Variants in ZIC1 observed in about 807,000 individuals in gnomAD.
ZIC1 encodes the protein Zic family zinc finger 1, also known as zinc finger protein ZIC 1.
ZIC1 carries 4 observed loss-of-function variants against 30.9 expected under a neutral mutation model. That is an observed-to-expected ratio of 0.13 (90% CI 0.06 to 0.30). ZIC1 has a LOEUF of 0.30. Ranked by LOEUF, ZIC1 falls within the 10% of genes least tolerant of loss-of-function variation. The pLI, the probability that ZIC1 is intolerant of heterozygous loss-of-function variation, is 1.00. For missense variants in ZIC1, 441 were observed against 639.3 expected, an observed-to-expected ratio of 0.69 and a Z score of 3.34; for synonymous variants, 305 against 277.5, an observed-to-expected ratio of 1.10 and a Z score of -0.98.
chr3:147,410,073 G>T lies in ZIC1; in HGVS notation c.-40G>T, dbSNP rs749439630. On this transcript the variant is annotated 5_prime_UTR_variant, in exon 1 of 3. Coordinates refer to ENST00000282928, the MANE Select transcript of ZIC1 (RefSeq NM_003412.4). ...TTCCCTCCTCGGCTGGCGAGGGTGG[G>T]GGGGGCGGGGGAGGCCGGGGCTCGC... The T allele has an allele frequency of 4.9e-6, 7 of 1,431,880 alleles. No individual in the cohort carries two copies. The highest frequency in any genetic ancestry group is 3.0e-5 in the African/African-American group (2 of 67,200). The allele number at this position is 1,431,880 out of a possible 1,614,324, so 88.7% of individuals were successfully genotyped here. A position where few individuals can be genotyped will look rare whatever the true frequency, so the allele number is the denominator to read the frequency against.
rs1339602858 is a variant in ZIC1, at chr3:147,410,502, C to T, written c.390C>T (p.Gly130=). Reference sequence around the variant, plus strand: ...CTGCATCGGCCGGGGGCTTCGGGGGCCCACACGGCCACACGGACGCCGCGG... The same window carrying T: ...CTGCATCGGCCGGGGGCTTCGGGGGTCCACACGGCCACACGGACGCCGCGG... ...LFAASAGGFG[G]PHGHTDAAGH... Residue 130 remains glycine (G), a synonymous_variant, in exon 1 of 3, where the codon GGC becomes GGT. Coordinates refer to ENST00000282928, the MANE Select transcript of ZIC1 (RefSeq NM_003412.4). 2.5e-6 allele frequency: 4 copies of T among 1,607,022 alleles called. No homozygotes were observed. Among genetic ancestry groups the T allele is most frequent in the Non-Finnish European group, 1.7e-6 (2 of 1,178,818 alleles).
In ZIC1 at chr3:147,412,371, ATTGACG is replaced by A. The variant is rs562786765; in HGVS notation, c.983-144_983-139del. On this transcript the variant is annotated intron_variant, in intron 1 of 2. Coordinates refer to ENST00000282928, the MANE Select transcript of ZIC1 (RefSeq NM_003412.4). ...AATTCCACTGCAGATGTAAGAATTT[ATTGACG>A]TTCCGGGTTTTTAAGCTTGCAAAGT... 144 of 827,710 alleles carry A rather than the reference ATTGACG, an allele frequency of 1.7e-4. No individual in the cohort carries two copies. The African/African-American group carries it at 2.5e-3, about 14-fold the overall frequency. 51.3% of individuals were successfully genotyped at this position (827,710 alleles called of 1,614,324 possible).
intron 1 of ZIC1, 26 bp from the exon 2 acceptor site, chr3:147,412,492 C>G: frequency 6.2e-7 from 1 of 1,610,752 alleles, no homozygotes; most frequent in South Asian, 1.1e-5. Context: ...TCTAATTAGA[C>G]CCCTCTCATT....
chr3:147,410,544 C>A lies in ZIC1; in HGVS notation c.432C>A (p.Pro144=). 6.2e-7 allele frequency: 1 copy of A among 1,610,426 alleles called. No homozygotes were observed. The highest frequency in any genetic ancestry group is 8.5e-7 in the Non-Finnish European group (1 of 1,179,140). The change falls in exon 1 of 3, where the codon CCC becomes CCA. Residue 144 remains proline (P), a synonymous_variant. Transcript: ENST00000282928. ...HTDAAGHLLF[P]GLHEQAAGHA... ...ACGCCGCGGGCCACCTCCTCTTCCC[C>A]GGGCTTCACGAGCAGGCTGCCGGCC...
Position 147,416,215 on chromosome 3 carries a change from A to G in ZIC1, c.*2664A>G, listed in dbSNP as rs2087432325. 1 of 152,228 alleles carries G rather than the reference A, an allele frequency of 6.6e-6. No homozygotes were observed. The highest frequency in any genetic ancestry group is 1.5e-5 in the Non-Finnish European group (1 of 68,038). 9.4% of individuals were successfully genotyped at this position (152,228 alleles called of 1,614,324 possible). On this transcript the variant is annotated 3_prime_UTR_variant, in exon 3 of 3. Coordinates refer to ENST00000282928, the MANE Select transcript of ZIC1 (RefSeq NM_003412.4). ...GTTAAAAATAGAAAGAGGAATAAAG[A>G]CATCTCTTCTCTCTAGAAAAGATAA...
rs772171448 is a variant in ZIC1, at chr3:147,410,689, C to A, written c.577C>A (p.Gln193Lys). 6.2e-7 allele frequency: 1 copy of A among 1,613,976 alleles called. No homozygotes were observed. The highest frequency in any genetic ancestry group is 8.5e-7 in the Non-Finnish European group (1 of 1,179,948). ...GCGTTCGGAGCACTATGCTGCGCCG[C>A]AGCTGCACGGCTACGGGCCCATGAA... is the stretch of plus-strand genomic sequence containing the variant. ...SPRSEHYAAP[Q>K]LHGYGPMNVN... Residue 193 changes from glutamine to lysine, a missense_variant, in exon 1 of 3, where the codon CAG becomes AAG. Coordinates refer to ENST00000282928, the MANE Select transcript of ZIC1 (RefSeq NM_003412.4).
intron 2 of ZIC1, 57 bp from the exon 3 acceptor site, chr3:147,413,297 T>C (rs1327720324): frequency 1.9e-6 from 3 of 1,567,830 alleles, no homozygotes; most frequent in East Asian, 4.5e-5. Context: ...TTCGCCTCTC[T>C]AGTCGGCCGC....
chr3:147,413,380 G>A lies in ZIC1; in HGVS notation c.1173G>A (p.Ser391=), dbSNP rs906747312. 2 of 1,613,622 alleles carry A rather than the reference G, an allele frequency of 1.2e-6. No individual in the cohort carries two copies. The highest frequency in any genetic ancestry group is 1.7e-6 in the Non-Finnish European group (2 of 1,179,788). ...MKVHESSSQG[S]QPSPAASSGY... ...TCCACGAATCCTCCTCGCAGGGCTC[G>A]CAGCCTTCGCCGGCCGCCAGCTCTG... The change falls in exon 3 of 3, where the codon TCG becomes TCA. Residue 391 remains serine, a synonymous_variant. Coordinates refer to ENST00000282928, the MANE Select transcript of ZIC1 (RefSeq NM_003412.4).
At position 147,413,422 on chromosome 3, in the gene ZIC1, G is replaced by T. The variant is rs1249596705; in HGVS notation, c.1215G>T (p.Thr405=). 2 of 1,613,868 alleles carry T rather than the reference G, an allele frequency of 1.2e-6. No homozygotes were observed. Among genetic ancestry groups the T allele is most frequent in the Admixed American group, 1.7e-5 (1 of 59,988 alleles). ...PAASSGYESS[T]PPTIVSPSTD... ...CCAGCTCTGGCTACGAATCCTCCAC[G>T]CCTCCCACCATCGTGTCTCCCTCCA... is the stretch of plus-strand genomic sequence containing the variant. Residue 405 remains threonine, a synonymous_variant, in exon 3 of 3, where the codon ACG becomes ACT. Transcript: ENST00000282928.
rs1324625097 is a variant in ZIC1, at chr3:147,410,267, G to A, written c.155G>A (p.Ser52Asn). 1 of 1,600,836 alleles carries A rather than the reference G, an allele frequency of 6.2e-7. No homozygotes were observed. The change falls in exon 1 of 3, where the codon AGT becomes AAT. Residue 52 changes from serine (S) to asparagine (N), a missense_variant. Around this residue, in one of 5 missense-constraint regions of ZIC1, gnomAD observed 307 missense variants for 355.3 expected, o/e 0.86. Coordinates refer to ENST00000282928, the MANE Select transcript of ZIC1 (RefSeq NM_003412.4). ...ATGGGCGCCTTCAAGCTCAACCCCA[G>A]TTCGCACGAGCTGGCTTCGGCCGGC... is the stretch of plus-strand genomic sequence containing the variant. ...DGMGAFKLNP[S>N]SHELASAGQT...
rs1047486738 is a variant in ZIC1 at position 147,416,217 on chromosome 3, A to G, written c.*2666A>G. ...TAAAAATAGAAAGAGGAATAAAGAC[A>G]TCTCTTCTCTCTAGAAAAGATAACA... On this transcript the variant is annotated 3_prime_UTR_variant, in exon 3 of 3. Coordinates refer to ENST00000282928, the MANE Select transcript of ZIC1 (RefSeq NM_003412.4). 9 of 152,268 alleles carry G rather than the reference A, an allele frequency of 5.9e-5. No homozygotes were observed. Among genetic ancestry groups the G allele is most frequent in the African/African-American group, 2.2e-4 (9 of 41,470 alleles). The allele number at this position is 152,268 out of a possible 1,614,324, so 9.4% of individuals were successfully genotyped here.
chr3:147,410,665 C>G lies in ZIC1; in HGVS notation c.553C>G (p.Arg185Gly). 3 of 1,613,852 alleles carry G rather than the reference C, an allele frequency of 1.9e-6. No homozygotes were observed. Among genetic ancestry groups the G allele is most frequent in the Non-Finnish European group, 2.5e-6 (3 of 1,179,948 alleles). Residue 185 changes from arginine to glycine, a missense_variant, in exon 1 of 3, where the codon CGT becomes GGT. Transcript: ENST00000282928. ...GCAGTACGGCCAGGTGACCAGCCCG[C>G]GTTCGGAGCACTATGCTGCGCCGCA... Reference protein sequence around the residue: ...PEQYGQVTSPRSEHYAAPQLH... With the variant: ...PEQYGQVTSPGSEHYAAPQLH...
At chr3:147,412,774 G>A (rs2087392848) in intron 2 of ZIC1, 93 bp downstream of exon 2, 1 of 1,480,248 alleles carries the variant, frequency 6.8e-7, no homozygotes, top group Non-Finnish European at 9.2e-7. Context: ...AGGCGGTGGC[G>A]GGAGCCAGAG....
rs973057802 is a variant in ZIC1 at position 147,413,489 on chromosome 3, G to A, written c.1282G>A (p.Ala428Thr). Residue 428 changes from alanine (A) to threonine (T), a missense_variant, in exon 3 of 3, where the codon GCA (alanine) becomes ACA (threonine). Coordinates refer to ENST00000282928, the MANE Select transcript of ZIC1 (RefSeq NM_003412.4). ...AAGCTCCTTATCGCCCTCCTCCTCCGCAGTCCACCACACAGCCGGCCACAG... is the reference window on the plus strand; with the variant it reads ...AAGCTCCTTATCGCCCTCCTCCTCCACAGTCCACCACACAGCCGGCCACAG... ...TTSSLSPSSS[A>T]VHHTAGHSAL... 5 of 1,613,836 alleles carry A rather than the reference G, an allele frequency of 3.1e-6. No individual in the cohort carries two copies. In the African/African-American group the frequency reaches 6.7e-5, roughly 22 times the overall value.
In ZIC1 at chr3:147,410,025, TG is replaced by T. The variant is rs2087350980; in HGVS notation, c.-87del. On this transcript the variant is annotated 5_prime_UTR_variant, in exon 1 of 3. Coordinates refer to ENST00000282928, the MANE Select transcript of ZIC1 (RefSeq NM_003412.4). ...TTCTTCCTCCTCTTCCTCCTCCTCT[TG>T]TTCCTCCTCCTCCTCCCGATTTTCC... 5.9e-6 allele frequency: 8 copies of T among 1,346,604 alleles called. No homozygotes were observed. Among genetic ancestry groups the T allele is most frequent in the Middle Eastern group, 2.7e-4 (1 of 3,746 alleles). 83.4% of individuals were successfully genotyped at this position (1,346,604 alleles called of 1,614,324 possible).
rs757248226 is a variant in ZIC1, at chr3:147,410,199, C to T, written c.87C>T (p.Ala29=). 3.7e-6 allele frequency: 6 copies of T among 1,601,046 alleles called. No individual in the cohort carries two copies. The highest frequency in any genetic ancestry group is 5.1e-6 in the Non-Finnish European group (6 of 1,179,452). The change falls in exon 1 of 3, where the codon GCC becomes GCT. Residue 29 remains alanine (A), a synonymous_variant. Transcript: ENST00000282928. ...ASRHHSAGDV[A]ERDVGLGINP... ...GCCACCACTCCGCGGGCGACGTGGCCGAACGAGACGTGGGCCTGGGCATCA... is the reference window on the plus strand; with the variant it reads ...GCCACCACTCCGCGGGCGACGTGGCTGAACGAGACGTGGGCCTGGGCATCA...
chr3:147,410,168 C>A lies in ZIC1; in HGVS notation c.56C>A (p.Ala19Glu). Residue 19 changes from alanine (A) to glutamate (E), a missense_variant, in exon 1 of 3, where the codon GCG becomes GAG. Physicochemically the swap from Ala to Glu is moderately radical, Grantham distance 107. This residue lies in a region of ZIC1 where 307 missense variants were observed against 355.3 expected (regional missense o/e 0.86). Transcript: ENST00000282928. ...GCGATCGGCGTGACCACCTTTGGCG[C>A]GTCCCGCCACCACTCCGCGGGCGAC... ...YPAIGVTTFG[A>E]SRHHSAGDVA... is the part of the protein sequence containing the mutation. 1.9e-6 allele frequency: 3 copies of A among 1,599,208 alleles called. No individual in the cohort carries two copies. Among genetic ancestry groups the A allele is most frequent in the Non-Finnish European group, 1.7e-6 (2 of 1,178,870 alleles).
Position 147,410,501 on chromosome 3 carries a change from G to A in ZIC1, c.389G>A (p.Gly130Asp). 3 of 1,607,348 alleles carry A rather than the reference G, an allele frequency of 1.9e-6. No individual in the cohort carries two copies. Among genetic ancestry groups the A allele is most frequent in the African/African-American group, 1.3e-5 (1 of 74,996 alleles). ...LFAASAGGFG[G>D]PHGHTDAAGH... ...GCTGCATCGGCCGGGGGCTTCGGGG[G>A]CCCACACGGCCACACGGACGCCGCG... is the stretch of plus-strand genomic sequence containing the variant. Residue 130 changes from glycine to aspartate, a missense_variant, in exon 1 of 3, where the codon GGC becomes GAC. Transcript: ENST00000282928.
Position 147,409,981 on chromosome 3 carries a change from C to T in ZIC1, c.-132C>T. 9.9e-7 allele frequency: 1 copy of T among 1,013,984 alleles called. No homozygotes were observed. Among genetic ancestry groups the T allele is most frequent in the Non-Finnish European group, 1.4e-6 (1 of 733,132 alleles). 62.8% of individuals were successfully genotyped at this position (1,013,984 alleles called of 1,614,324 possible). ...GCTAGGACTTCGCGAGGTGGGTCGA[C>T]TCCCCCTCCCTCCTCCTCTTCTTCC... On this transcript the variant is annotated 5_prime_UTR_variant, in exon 1 of 3. Transcript: ENST00000282928.
Sources: gnomAD v4.1 joint callset for allele counts on GRCh38, gnomAD v4.1.1 for gene constraint, gnomAD v4.1.1 regional missense constraint, MANE v1.5 for transcripts, NCBI Gene and HGNC (gene_info 2026-07-23, HGNC 2026-07-21) for gene names.